The following PHKA2 variants were observed in gnomAD, a reference collection of about 807,000 sequenced individuals.
PHKA2 encodes phosphorylase kinase regulatory subunit alpha 2.
Under a neutral mutation model 102.0 loss-of-function variants are expected in PHKA2, and 31 were observed. The ratio of observed to expected loss-of-function variants is 0.30; its 90% CI spans 0.23 to 0.41. The LOEUF (loss-of-function observed/expected upper bound fraction) is 0.41, where lower values mean the gene tolerates loss of function less well. Among genes scored for constraint, PHKA2 ranks in the 10% least tolerant of loss-of-function variants. PHKA2 has a pLI of 1.00. For missense variants in PHKA2, 858 were observed against 1,023.1 expected, an observed-to-expected ratio of 0.84 and a Z score of 2.20; for synonymous variants, 455 against 416.2, an observed-to-expected ratio of 1.09 and a Z score of -1.13.
At position 18,893,463 on chromosome X, in the gene PHKA2, GATC is replaced by G. The variant is rs1330452357; in HGVS notation, c.*19_*21del. 1 of 1,202,496 alleles carries G rather than the reference GATC, an allele frequency of 8.3e-7. No individual in the cohort carries two copies. Among genetic ancestry groups the G allele is most frequent in the Non-Finnish European group, 1.1e-6 (1 of 888,705 alleles). Reference sequence around the variant, plus strand: ...GGGGCACGTGACAGATTGAGAGTGTGATCATGTTTCCAGGTGAGACCCTATTGC... The same window carrying G: ...GGGGCACGTGACAGATTGAGAGTGTGATGTTTCCAGGTGAGACCCTATTGC... On this transcript the variant is annotated 3_prime_UTR_variant, in exon 33 of 33. Coordinates refer to ENST00000379942, the MANE Select transcript of PHKA2 (RefSeq NM_000292.3).
Position 18,929,257 on chromosome X carries a change from G to A in PHKA2, c.1295C>T (p.Thr432Ile). Residue 432 changes from threonine to isoleucine, a missense_variant, in exon 13 of 33, where the codon ACT becomes ATT. Physicochemically the swap from Thr to Ile is moderately conservative, Grantham distance 89. This residue lies in a region of PHKA2 where 671 missense variants were observed against 745.2 expected (regional missense o/e 0.90). Transcript: ENST00000379942. ...TACTACAACATCAGGTTTGACTGAA[G>A]TGGAAAATCTTCTATTTAAGGGATC... ...EIDPLNRRFS[T>I]SVKPDVVVQV... 8.5e-7 allele frequency: 1 copy of A among 1,172,922 alleles called. No homozygotes were observed.
At chrX:18,893,823 C>T (rs376969434) in intron 32 of PHKA2, among the ~76,000 whole-genome samples, 168 bp from the exon 33 acceptor site, 24 of 112,531 alleles carry the variant, frequency 2.1e-4, no homozygotes, top group African/African-American at 5.8e-4. Flanking sequence ...ACGAAGCCAG[C>T]GCTGCCAGGG....
At chrX:18,966,129 C>T (rs1352678626) in intron 1 of PHKA2, among the ~76,000 whole-genome samples, 1 of 102,167 alleles carries the variant, frequency 9.8e-6, no homozygotes, top group Non-Finnish European at 2.0e-5. Flanking sequence ...GCTCTGTCAC[C>T]GAGGCTGAAG....
In PHKA2 at chrX:18,946,818, G is replaced by C. The variant is rs972677804; in HGVS notation, c.538-1660C>G. ...GACTTCTCAAGTTTCTTCAGACCAG[G>C]GTTTGTCAACTTCAGCACTATTCCA... is the stretch of plus-strand genomic sequence containing the variant. On this transcript the variant is annotated intron_variant, in intron 5 of 32. Coordinates refer to ENST00000379942, the MANE Select transcript of PHKA2 (RefSeq NM_000292.3). 5.7e-5 allele frequency among the ~76,000 whole-genome samples: 6 copies of C among 104,421 alleles called. No individual in the cohort carries two copies. The Admixed American group carries it at 6.3e-4, about 11-fold the overall frequency. The allele number at this position is 104,421 out of a possible 115,157, so 90.7% of individuals were successfully genotyped here. A position where few individuals can be genotyped will look rare whatever the true frequency, so the allele number is the denominator to read the frequency against.
At chrX:18,927,791 T>C (rs1220741297) in intron 13 of PHKA2, among the ~76,000 whole-genome samples, 1 of 111,266 alleles carries the variant, frequency 9.0e-6, no homozygotes, top group Non-Finnish European at 1.9e-5. Context: ...CTAGGTGGCT[T>C]TCCTTAACAC....
chrX:18,951,404 C>T, intron 3 of PHKA2, 132 bp from the exon 4 acceptor site: 1 of 654,045 alleles, frequency 1.5e-6, no homozygotes. Context: ...TGGAAGGCAG[C>T]TGCTAGGCAG....
rs998477471 is a variant in PHKA2 at position 18,910,878 on chromosome X, T to C, written c.2220A>G (p.Leu740=). The C allele has an allele frequency of 8.5e-6, 10 of 1,169,719 alleles. No homozygotes were observed. The highest frequency in any genetic ancestry group is 1.2e-5 in the Non-Finnish European group (10 of 860,163). Residue 740 remains leucine, a synonymous_variant, in exon 20 of 33, where the codon CTA becomes CTG. Coordinates refer to ENST00000379942, the MANE Select transcript of PHKA2 (RefSeq NM_000292.3). ...LNLVDSPQPL[L]EKVPESDFQW... The stretch of plus-strand genomic sequence containing the variant: ...GCTGTTCCATATACTTTACCTTTTC[T>C]AGGAGTGGCTGAGGAGAATCAACAA...
At chrX:18,934,318 C>T (rs1045626257) in intron 11 of PHKA2, among the ~76,000 whole-genome samples, 7 of 112,263 alleles carry the variant, frequency 6.2e-5, no homozygotes, top group African/African-American at 2.3e-4. Flanking sequence ...TGAGGGAAGA[C>T]TAGTTCCTCT....
At chrX:18,904,613 A>C (rs1018630893) in intron 26 of PHKA2, among the ~76,000 whole-genome samples, 1 of 112,211 alleles carries the variant, frequency 8.9e-6, no homozygotes, top group Non-Finnish European at 1.9e-5. Flanking sequence ...CTGCCTTGGA[A>C]AGAACTGGAA....
Position 18,984,059 on chromosome X carries a change from G to A in PHKA2, c.-127C>T, listed in dbSNP as rs1461414352. On this transcript the variant is annotated 5_prime_UTR_variant, in exon 1 of 33. Transcript: ENST00000379942. The stretch of plus-strand genomic sequence containing the variant: ...TTAGTCGGTTCTTGGGATGGGACCG[G>A]GCCGGAGGAGGTCGAGACTTTTCTA... 5.4e-6 allele frequency: 3 copies of A among 551,778 alleles called. No homozygotes were observed. The highest frequency in any genetic ancestry group is 9.5e-6 in the Non-Finnish European group (3 of 315,724). 45.5% of individuals were successfully genotyped at this position (551,778 alleles called of 1,213,427 possible).
At chrX:18,925,524 G>GA (rs1385630419) in intron 15 of PHKA2, 144 bp downstream of exon 15, 1 of 508,753 alleles carries the variant, frequency 2.0e-6, no homozygotes, top group Non-Finnish European at 3.5e-6. Context: ...ACTACGGGCA[G>GA]ACTTGTACTA....
chrX:18,893,989 C>T (rs1463491980), intron 32 of PHKA2: 3 of 469,271 alleles, frequency 6.4e-6, no homozygotes, highest in Non-Finnish European at 1.1e-5. Flanking sequence ...GGTGTTTGGA[C>T]GAAAACCTGC....
At chrX:18,894,752 A>C (rs186498031) in intron 31 of PHKA2, 1 of 379,047 alleles carries the variant, frequency 2.6e-6, no homozygotes, top group African/African-American at 2.5e-5. Flanking sequence ...AAAAAAATCC[A>C]TGTTAAAAAG....
At chrX:18,932,843 G>C (rs1395469056) in intron 11 of PHKA2, among the ~76,000 whole-genome samples, 1 of 111,968 alleles carries the variant, frequency 8.9e-6, no homozygotes, top group African/African-American at 3.2e-5. Context: ...GTCAGGCATG[G>C]TGGCTCACAC....
intron 10 of PHKA2, among the ~76,000 whole-genome samples, chrX:18,937,382 C>T (rs2048410312): frequency 9.0e-6 from 1 of 111,273 alleles, no homozygotes; most frequent in African/African-American, 3.3e-5. Context: ...ATGCACTAGG[C>T]ACAGGGACTA....
Position 18,894,251 on chromosome X carries a change from C to T in PHKA2, c.3490G>A (p.Val1164Met), listed in dbSNP as rs1024709013. 8.3e-6 allele frequency: 10 copies of T among 1,211,970 alleles called. No homozygotes were observed. The highest frequency in any genetic ancestry group is 3.0e-5 in the East Asian group (1 of 33,859). Residue 1164 changes from valine to methionine, a missense_variant, in exon 32 of 33, where the codon GTG (valine) becomes ATG (methionine). Coordinates refer to ENST00000379942, the MANE Select transcript of PHKA2 (RefSeq NM_000292.3). ...EMTSIGGIIH[V>M]DQIVQMASQL... The stretch of plus-strand genomic sequence containing the variant: ...CTGGCCATCTGCACGATCTGGTCCA[C>T]GTGGATGATGCCCCCGATGCTGGTC...
chrX:18,893,311 T>G lies in PHKA2; in HGVS notation c.*174A>C. 1.9e-6 allele frequency: 1 copy of G among 515,552 alleles called. No homozygotes were observed. The highest frequency in any genetic ancestry group is 2.7e-5 in the Admixed American group (1 of 36,618). The allele number at this position is 515,552 out of a possible 1,213,427, so 42.5% of individuals were successfully genotyped here. On this transcript the variant is annotated 3_prime_UTR_variant, in exon 33 of 33. Coordinates refer to ENST00000379942, the MANE Select transcript of PHKA2 (RefSeq NM_000292.3). ...ACACAGGACTCCTCAGCTCTATCTCTGTGGCTTTAACATACATCAGTTTCA... is the reference window on the plus strand; with the variant it reads ...ACACAGGACTCCTCAGCTCTATCTCGGTGGCTTTAACATACATCAGTTTCA...
chrX:18,952,315 G>A (rs2048707746), intron 3 of PHKA2, among the ~76,000 whole-genome samples, 179 bp downstream of exon 3: 1 of 88,267 alleles, frequency 1.1e-5, no homozygotes, highest in African/African-American at 4.7e-5. Flanking sequence ...GAGTGACAGT[G>A]TGAGACCCTG....
intron 19 of PHKA2, among the ~76,000 whole-genome samples, chrX:18,914,213 A>T (rs993254806): frequency 1.8e-5 from 2 of 112,110 alleles, no homozygotes; most frequent in African/African-American, 6.5e-5. Context: ...CTCCATTATA[A>T]TCTTAGGGGA....
Sources: gnomAD v4.1 joint callset for allele counts (sites outside exome capture counted in the v4.1 genomes callset) on GRCh38, gnomAD v4.1.1 for gene constraint, gnomAD v4.1.1 regional missense constraint, MANE v1.5 for transcripts, NCBI Gene and HGNC (gene_info 2026-07-23, HGNC 2026-07-21) for gene names.